The following USP8 variants were observed in gnomAD, a reference collection of about 807,000 sequenced individuals.
The protein encoded by USP8 is ubiquitin specific peptidase 8, also known as ubiquitin carboxyl-terminal hydrolase 8.
USP8 carries 27 observed loss-of-function variants against 130.0 expected under a neutral mutation model. That is an observed-to-expected ratio of 0.21 (90% CI 0.15 to 0.29). The LOEUF is 0.29. USP8 is among the 10% of genes least tolerant of loss of function. The probability of loss-of-function intolerance (pLI) is 1.00; values close to 1 mark genes in which losing one functional copy is unlikely to be tolerated. For missense variants in USP8, 1,029 were observed against 1,312.2 expected, an observed-to-expected ratio of 0.78 and a Z score of 3.33; for synonymous variants, 392 against 444.1, an observed-to-expected ratio of 0.88 and a Z score of 1.48.
At chr15:50,431,175 G>GTT (rs1555525414) in intron 1 of USP8, among the ~76,000 whole-genome samples, 1 of 151,342 alleles carries the variant, frequency 6.6e-6, no homozygotes, top group Admixed American at 6.6e-5. Context: ...CTGTGTGTGT[G>GTT]TGTGTGTGTG....
chr15:50,441,847 C>T (rs911971634), intron 3 of USP8, among the ~76,000 whole-genome samples: 3 of 151,248 alleles, frequency 2.0e-5, no homozygotes, highest in African/African-American at 4.9e-5. Context: ...ACTTTTATTG[C>T]GCTTTCTTAA....
At chr15:50,444,111 T>G (rs1242395968) in intron 3 of USP8, among the ~76,000 whole-genome samples, 1 of 149,750 alleles carries the variant, frequency 6.7e-6, no homozygotes, top group Non-Finnish European at 1.5e-5. Context: ...TTTTTTTTTT[T>G]TTTTTTTTTA....
chr15:50,472,653 G>A (rs1028886651), intron 8 of USP8, among the ~76,000 whole-genome samples: 2 of 151,138 alleles, frequency 1.3e-5, no homozygotes, highest in African/African-American at 2.4e-5. Context: ...GCCCATGCCT[G>A]TAATCCCAAC....
intron 4 of USP8, among the ~76,000 whole-genome samples, chr15:50,455,704 G>C (rs2050768759): frequency 6.6e-6 from 1 of 152,152 alleles, no homozygotes; most frequent in Non-Finnish European, 1.5e-5. Context: ...CCACTAGGCA[G>C]TTAACTTGGC....
intron 2 of USP8, among the ~76,000 whole-genome samples, chr15:50,439,824 A>AATAATT (rs1180044187): frequency 1.6e-5 from 2 of 124,534 alleles, no homozygotes; most frequent in Non-Finnish European, 3.2e-5. Flanking sequence ...TAATAATAAT[A>AATAATT]ATAATTTTTT....
At chr15:50,481,175 C>G (rs2051754184) in intron 10 of USP8, among the ~76,000 whole-genome samples, 1 of 152,112 alleles carries the variant, frequency 6.6e-6, no homozygotes, top group African/African-American at 2.4e-5. Context: ...GAACTTAAGT[C>G]TAAGTATGCC....
rs1470357270 is a variant in USP8 at position 50,479,721 on chromosome 15, G to GA, written c.1219-1753dup. Among the ~76,000 whole-genome samples the GA allele has an allele frequency of 2.6e-5, 4 of 151,308 alleles. No individual in the cohort carries two copies. In the East Asian group the frequency reaches 5.8e-4, roughly 22 times the overall value. ...AAGAGGCAGAAAGAGAAGTGAACAGGAAAAAAATTATTTTTTCTACACTAA... is the reference window on the plus strand; with the variant it reads ...AAGAGGCAGAAAGAGAAGTGAACAGGAAAAAAAATTATTTTTTCTACACTAA... On this transcript the variant is annotated intron_variant, in intron 10 of 19. Transcript: ENST00000307179.
At chr15:50,449,511 A>G (rs780632334) in intron 4 of USP8, 26 bp downstream of exon 4, 42 of 1,373,898 alleles carry the variant, frequency 3.1e-5, no homozygotes, top group Admixed American at 7.1e-5. Flanking sequence ...AATATTTAAA[A>G]TAATGTAAAT....
At position 50,512,206 on chromosome 15, in the gene USP8, T is replaced by C. The variant is rs550025061; in HGVS notation, c.*13118T>C. 1 of 151,208 alleles carries C rather than the reference T, an allele frequency of 6.6e-6. No individual in the cohort carries two copies. The highest frequency in any genetic ancestry group is 2.0e-4 in the East Asian group (1 of 5,074). The allele number at this position is 151,208 out of a possible 1,614,324, so 9.4% of individuals were successfully genotyped here. A position where few individuals can be genotyped will look rare whatever the true frequency, so the allele number is the denominator to read the frequency against. On this transcript the variant is annotated 3_prime_UTR_variant, in exon 20 of 20. Transcript: ENST00000307179. The stretch of plus-strand genomic sequence containing the variant: ...TACTAAAAATACAAAAATACACCTG[T>C]AGTCCCAGCTACTCGGGAGGCTGAG...
chr15:50,490,907 T>C (rs2052137079), intron 14 of USP8, among the ~76,000 whole-genome samples: 2 of 148,792 alleles, frequency 1.3e-5, no homozygotes, highest in South Asian at 4.1e-4. Flanking sequence ...AGTTCCAAAC[T>C]TTTTTTCCCC....
intron 1 of USP8, among the ~76,000 whole-genome samples, chr15:50,425,117 G>T (rs748561728): frequency 1.9e-4 from 29 of 152,034 alleles, no homozygotes; most frequent in Non-Finnish European, 1.0e-4. Context: ...TTATAAAGCT[G>T]CAGACCACCC....
In USP8 at chr15:50,496,102, A is replaced by G; in HGVS notation, c.2895+18A>G. On this transcript the variant is annotated intron_variant, in intron 17 of 19. Coordinates refer to ENST00000307179, the MANE Select transcript of USP8 (RefSeq NM_005154.5). ...CATTACAGGTAAGTTTAAGAAGTAG[A>G]GAGAAAATGATTTATTGGATAAAAA... is the stretch of plus-strand genomic sequence containing the variant. 2.6e-6 allele frequency: 4 copies of G among 1,556,978 alleles called. No homozygotes were observed. Among genetic ancestry groups the G allele is most frequent in the Non-Finnish European group, 3.5e-6 (4 of 1,139,542 alleles).
rs1001530389 is a variant in USP8, at chr15:50,510,750, G to A, written c.*11662G>A. The stretch of plus-strand genomic sequence containing the variant: ...GTTAATAACTGAATCTAGCTGAAAT[G>A]TACACCAATGTACACCAATGTTTTG... On this transcript the variant is annotated 3_prime_UTR_variant, in exon 20 of 20. Coordinates refer to ENST00000307179, the MANE Select transcript of USP8 (RefSeq NM_005154.5). The A allele has an allele frequency of 1.3e-5, 2 of 151,914 alleles. No homozygotes were observed. Among genetic ancestry groups the A allele is most frequent in the African/African-American group, 4.8e-5 (2 of 41,380 alleles). The allele number at this position is 151,914 out of a possible 1,614,324, so 9.4% of individuals were successfully genotyped here.
At chr15:50,454,270 C>G (rs982250741) in intron 4 of USP8, among the ~76,000 whole-genome samples, 3 of 152,098 alleles carry the variant, frequency 2.0e-5, no homozygotes, top group African/African-American at 7.2e-5. Flanking sequence ...GTCTTCTGGC[C>G]TCCATTGTTT....
chr15:50,436,432 T>C (rs2050093889), intron 1 of USP8, among the ~76,000 whole-genome samples: 1 of 152,198 alleles, frequency 6.6e-6, no homozygotes, highest in Non-Finnish European at 1.5e-5. Context: ...TAGTTTGATA[T>C]CATACTATGC....
Position 50,512,020 on chromosome 15 carries a change from A to T in USP8, c.*12932A>T, listed in dbSNP as rs1217295577. 6.6e-6 allele frequency: 1 copy of T among 152,090 alleles called. No homozygotes were observed. The highest frequency in any genetic ancestry group is 1.5e-5 in the Non-Finnish European group (1 of 68,034). 9.4% of individuals were successfully genotyped at this position (152,090 alleles called of 1,614,324 possible). A position where few individuals can be genotyped will look rare whatever the true frequency, so the allele number is the denominator to read the frequency against. ...CAAAAAATAAAATAAATAAAATTTT[A>T]AAAATACGCAGAATAGGCACATCTA... On this transcript the variant is annotated 3_prime_UTR_variant, in exon 20 of 20. Transcript: ENST00000307179.
chr15:50,454,934 C>T (rs1212739031), intron 4 of USP8, among the ~76,000 whole-genome samples: 1 of 152,092 alleles, frequency 6.6e-6, no homozygotes, highest in Non-Finnish European at 1.5e-5. Context: ...CACACCTCTG[C>T]TCCTGGCTAA....
At chr15:50,482,840 A>G (rs1438865220) in intron 11 of USP8, among the ~76,000 whole-genome samples, 11 of 152,194 alleles carry the variant, frequency 7.2e-5, no homozygotes, top group African/African-American at 1.9e-4. Flanking sequence ...GCGGGATACC[A>G]TCTTTACAGA....
chr15:50,437,096 G>A (rs2050113939), intron 1 of USP8, among the ~76,000 whole-genome samples: 1 of 151,818 alleles, frequency 6.6e-6, no homozygotes, highest in South Asian at 2.1e-4. Context: ...TCATATTTAT[G>A]TATGTTGCAT....
Sources: allele counts gnomAD v4.1 joint callset (sites outside exome capture counted in the v4.1 genomes callset), GRCh38; gene constraint gnomAD v4.1.1; transcripts MANE v1.5; gene names NCBI Gene and HGNC (gene_info 2026-07-23, HGNC 2026-07-21).